The following TP73 variants were observed in gnomAD, a reference collection of about 807,000 sequenced individuals.
The protein encoded by TP73 is tumor protein p73.
A neutral mutation model predicts 62.5 loss-of-function variants in TP73; 25 were observed. The observed-to-expected ratio is 0.40, with a 90% confidence interval of 0.29 to 0.56. The LOEUF (loss-of-function observed/expected upper bound fraction) is 0.56. Among genes scored for constraint, TP73 ranks in the 20% least tolerant of loss-of-function variants. The pLI is 0.46. For missense variants in TP73, 754 were observed against 913.3 expected, an observed-to-expected ratio of 0.83 and a Z score of 2.25; for synonymous variants, 423 against 377.5, an observed-to-expected ratio of 1.12 and a Z score of -1.40.
At chr1:3,693,708 TTAGCCCCTCCTCCTGCAATCC>T in intron 3 of TP73, among the ~76,000 whole-genome samples, 5 of 148,094 alleles carry the variant, frequency 3.4e-5, no homozygotes, top group African/African-American at 2.5e-5. Context: ...CCATGCAGCC[TTAGCCCCTCCTCCTGCAATCC>T]CAGCCCTGCA....
intron 4 of TP73, among the ~76,000 whole-genome samples, chr1:3,716,458 C>A (rs936645720): frequency 3.9e-5 from 6 of 152,226 alleles, no homozygotes; most frequent in Non-Finnish European, 8.8e-5. Flanking sequence ...GGAGCCCCAG[C>A]TTAACACCAA....
chr1:3,688,440 T>G (rs189529772), intron 3 of TP73, among the ~76,000 whole-genome samples: 2 of 152,200 alleles, frequency 1.3e-5, no homozygotes, highest in Non-Finnish European at 2.9e-5. Flanking sequence ...CCCCTCCCAC[T>G]AACTGGTTCC....
In TP73 at chr1:3,683,112, G is replaced by A. The variant is rs2102092868; in HGVS notation, c.118G>A (p.Glu40Lys). Reference sequence around the variant, plus strand: ...TCCCCAGTCAAGCCGGGGGAATAATGAGGTGGTGGGCGGAACGGATTCCAG... The same window carrying A: ...TCCCCAGTCAAGCCGGGGGAATAATAAGGTGGTGGGCGGAACGGATTCCAG... ...DLPQSSRGNN[E>K]VVGGTDSSMD... The change falls in exon 3 of 14, where the codon GAG (glutamate) becomes AAG (lysine). Residue 40 changes from glutamate to lysine, a missense_variant. Around this residue, in one of 3 missense-constraint regions of TP73, gnomAD observed 235 missense variants for 251.4 expected, o/e 0.93. Coordinates refer to ENST00000378295, the MANE Select transcript of TP73 (RefSeq NM_005427.4). The A allele has an allele frequency of 1.9e-6, 3 of 1,612,660 alleles. No individual in the cohort carries two copies. Among genetic ancestry groups the A allele is most frequent in the Non-Finnish European group, 2.5e-6 (3 of 1,179,008 alleles).
chr1:3,652,911 A>T (rs1446263702), intron 1 of TP73: 2 of 152,360 alleles, frequency 1.3e-5, no homozygotes, highest in East Asian at 3.9e-4. Flanking sequence ...CGCCAAAGAC[A>T]GCCCCGCAGG....
intron 1 of TP73, among the ~76,000 whole-genome samples, chr1:3,677,932 T>C (rs1424838074): frequency 6.6e-6 from 1 of 152,142 alleles, no homozygotes; most frequent in East Asian, 1.9e-4. Context: ...CTCAAGCCCT[T>C]GGGCTCAAGT....
intron 1 of TP73, among the ~76,000 whole-genome samples, chr1:3,673,112 G>C (rs942954513): frequency 6.6e-6 from 1 of 152,268 alleles, no homozygotes; most frequent in African/African-American, 2.4e-5. Context: ...GGCTGCCGCT[G>C]CAACTGGGCA....
intron 1 of TP73, among the ~76,000 whole-genome samples, chr1:3,674,179 CG>C (rs1165062093): frequency 4.6e-5 from 7 of 152,192 alleles, no homozygotes. Flanking sequence ...CCCCCACCCA[CG>C]GGGGGTCGGG....
At chr1:3,655,358 G>A (rs2101991821) in intron 1 of TP73, among the ~76,000 whole-genome samples, 1 of 152,320 alleles carries the variant, frequency 6.6e-6, no homozygotes, top group South Asian at 2.1e-4. Context: ...CTGCACTCCA[G>A]CCCGGGCAAC....
intron 1 of TP73, among the ~76,000 whole-genome samples, chr1:3,657,766 G>A (rs541987275): frequency 1.1e-3 from 172 of 152,242 alleles, no homozygotes; most frequent in African/African-American, 3.7e-3. Flanking sequence ...GGGATGGGCA[G>A]CCCCCCTCTC....
chr1:3,730,829 T>C, intron 11 of TP73, 98 bp from the exon 12 acceptor site: 1 of 1,434,940 alleles, frequency 7.0e-7, no homozygotes. Context: ...GGCCTTGGGA[T>C]GGCTCCCTGG....
At chr1:3,727,448 C>A in intron 7 of TP73, 180 bp from the exon 8 acceptor site, 1 of 1,029,972 alleles carries the variant, frequency 9.7e-7, no homozygotes, top group Non-Finnish European at 1.4e-6. Flanking sequence ...CTCAGGGCAG[C>A]CTCACAGCTT....
rs866022654 is a variant in TP73 at position 3,663,589 on chromosome 1, G to A, written c.-34+10948G>A. 7.9e-5 allele frequency among the ~76,000 whole-genome samples: 12 copies of A among 151,928 alleles called. No homozygotes were observed. Among genetic ancestry groups the A allele is most frequent in the Non-Finnish European group, 1.3e-4 (9 of 67,964 alleles). ...AAATTAGCCAGGCGTGGTGGCGGGC[G>A]CCTGTAGTCCCAGCTACTCGGGAGG... On this transcript the variant is annotated intron_variant, in intron 1 of 13. Coordinates refer to ENST00000378295, the MANE Select transcript of TP73 (RefSeq NM_005427.4). The surrounding 1 kb of genome is among the most constrained non-coding windows in gnomAD (Gnocchi z 4.7).
intron 3 of TP73, among the ~76,000 whole-genome samples, chr1:3,695,352 A>G (rs1000889581): frequency 3.9e-5 from 6 of 152,132 alleles, no homozygotes; most frequent in Admixed American, 3.9e-4. Context: ...TTAGGGTCTC[A>G]GGAGGTTAGC....
chr1:3,729,265 G>A (rs1374452373), intron 9 of TP73, 62 bp from the exon 10 acceptor site: 21 of 1,604,586 alleles, frequency 1.3e-5, no homozygotes, highest in East Asian at 4.5e-5. Flanking sequence ...CTGAGGCTGC[G>A]GCCACCCCCC....
At chr1:3,718,237 C>T (rs941516249) in intron 4 of TP73, among the ~76,000 whole-genome samples, 32 of 152,306 alleles carry the variant, frequency 2.1e-4, no homozygotes, top group Middle Eastern at 3.4e-3. Flanking sequence ...GGGGCATCCA[C>T]AGTGCTCCCC....
rs1282742447 is a variant in TP73 at position 3,728,162 on chromosome 1, T to C, written c.1019T>C (p.Leu340Pro). ...CAGAGCCCCCCTGCCGTCCCCGCCC[T>C]TGGTGCCGGTGTGAAGAAGCGGCGG... ...FKQSPPAVPA[L>P]GAGVKKRRHG... The change falls in exon 9 of 14, where the codon CTT becomes CCT. Residue 340 changes from leucine to proline, a missense_variant. Physicochemically the swap from Leu to Pro is moderately conservative, Grantham distance 98. Coordinates refer to ENST00000378295, the MANE Select transcript of TP73 (RefSeq NM_005427.4). 19 of 1,611,758 alleles carry C rather than the reference T, an allele frequency of 1.2e-5. No individual in the cohort carries two copies. The highest frequency in any genetic ancestry group is 1.7e-5 in the Admixed American group (1 of 59,992).
intron 3 of TP73, among the ~76,000 whole-genome samples, chr1:3,700,439 G>A (rs1042648864): frequency 2.0e-5 from 3 of 149,998 alleles, no homozygotes; most frequent in African/African-American, 7.2e-5. Flanking sequence ...TGGATACCGG[G>A]AAGCGAGAGG....
At chr1:3,680,679 G>A (rs911772255) in intron 1 of TP73, among the ~76,000 whole-genome samples, 1 of 152,212 alleles carries the variant, frequency 6.6e-6, no homozygotes, top group South Asian at 2.1e-4. Flanking sequence ...GGGCAAGGGC[G>A]GGTTCTGCTC....
At position 3,666,773 on chromosome 1, in the gene TP73, A is replaced by T. The variant is rs988586891; in HGVS notation, c.-34+14132A>T. 6.6e-6 allele frequency among the ~76,000 whole-genome samples: 1 copy of T among 151,962 alleles called. No individual in the cohort carries two copies. Among genetic ancestry groups the T allele is most frequent in the South Asian group, 2.1e-4 (1 of 4,814 alleles). ...GGGGATGGTGCTCTGAGCAGACGCG[A>T]CTCAGTGCCATGCGGGCGTCTCTCC... is the stretch of plus-strand genomic sequence containing the variant. On this transcript the variant is annotated intron_variant, in intron 1 of 13. Coordinates refer to ENST00000378295, the MANE Select transcript of TP73 (RefSeq NM_005427.4). This position sits in a 1 kb window ranked among gnomAD's most constrained non-coding sequence, Gnocchi z 6.4.
Sources: gnomAD v4.1 joint callset for allele counts (sites outside exome capture counted in the v4.1 genomes callset) on GRCh38, gnomAD v4.1.1 for gene constraint, gnomAD v4.1.1 regional missense constraint, Gnocchi (gnomAD v3.1) non-coding constraint, MANE v1.5 for transcripts, NCBI Gene and HGNC (gene_info 2026-07-23, HGNC 2026-07-21) for gene names.